UNC50: variants seen among roughly 807,000 people sequenced by gnomAD.
The protein encoded by UNC50 is unc-50 inner nuclear membrane RNA binding protein.
In UNC50, 24 loss-of-function variants were observed where a neutral mutation model predicts 31.5. The observed-to-expected ratio is 0.76, with a 90% CI of 0.55 to 1.07. The LOEUF is 1.07. Ranked by LOEUF, UNC50 falls within the 50% of genes least tolerant of loss-of-function variation. The pLI is 0.00. For missense variants in UNC50, 245 were observed against 304.2 expected (o/e 0.81, Z 1.45); for synonymous variants, 118 against 114.7 (o/e 1.03, Z -0.18).
chr2:98,615,715 T>C (rs1175423870), intron 3 of UNC50, among the ~76,000 whole-genome samples: 2 of 152,176 alleles, frequency 1.3e-5, no homozygotes, highest in African/African-American at 4.8e-5. Context: ...TTAAGTCAAA[T>C]ACTTTTCTCA....
intron 2 of UNC50, 93 bp downstream of exon 2, chr2:98,610,132 T>C (rs1465221519): frequency 1.5e-5 from 19 of 1,296,630 alleles, no homozygotes; most frequent in South Asian, 3.0e-5. Context: ...TCTGGAAATA[T>C]TGGAAACTAT....
intron 3 of UNC50, among the ~76,000 whole-genome samples, chr2:98,614,733 G>C (rs76429632): frequency 0.041 from 6,187 of 152,298 alleles, 186 homozygotes; most frequent in Middle Eastern, 0.085. Context: ...GCTACATACT[G>C]ATTCCATAAA....
chr2:98,614,053 A>G (rs1016389501), intron 3 of UNC50, among the ~76,000 whole-genome samples: 1 of 152,192 alleles, frequency 6.6e-6, no homozygotes, highest in African/African-American at 2.4e-5. Context: ...TTCAGGAAAA[A>G]AATTGGACTT....
chr2:98,616,499 C>G lies in UNC50; in HGVS notation c.609C>G (p.Gly203=). 1 of 1,613,894 alleles carries G rather than the reference C, an allele frequency of 6.2e-7. No homozygotes were observed. Residue 203 remains glycine (G), a synonymous_variant, in exon 5 of 6, where the codon GGC becomes GGG. Coordinates refer to ENST00000357765, the MANE Select transcript of UNC50 (RefSeq NM_014044.7). Reference sequence around the variant, plus strand: ...ATACCTTATGGTTGGTTGCAGTTGGCTATTATATCTATGTAACTTTCCTGG... The same window carrying G: ...ATACCTTATGGTTGGTTGCAGTTGGGTATTATATCTATGTAACTTTCCTGG... ...VGNTLWLVAV[G]YYIYVTFLGY...
intron 3 of UNC50, among the ~76,000 whole-genome samples, chr2:98,611,405 T>G (rs1413004138): frequency 6.6e-6 from 1 of 152,230 alleles, no homozygotes; most frequent in Non-Finnish European, 1.5e-5. Flanking sequence ...TGCCTTTCAC[T>G]GAATACACAA....
In UNC50 at chr2:98,612,246, C is replaced by T. The variant is rs185983446; in HGVS notation, c.401+1351C>T. ...TGCCAACTTAGTTATCTGTGAAACT[C>T]TTAGTCCCAGTCTCTTCTTTTACAA... On this transcript the variant is annotated intron_variant, in intron 3 of 5. Transcript: ENST00000357765. Among the ~76,000 whole-genome samples the T allele has an allele frequency of 4.9e-3, 744 of 152,282 alleles. 3 individuals are homozygous for T. The highest frequency in any genetic ancestry group is 8.1e-3 in the Non-Finnish European group (551 of 68,012).
rs1222017736 is a variant in UNC50, at chr2:98,618,264, C to T, written c.740C>T (p.Thr247Ile). ...GLSLALGWNF[T>I]HTLCSFYKYR... ...TCCCTGGCACTGGGATGGAACTTCA[C>T]CCATACTCTCTGTTCTTTCTATAAG... The change falls in exon 6 of 6, where the codon ACC becomes ATC. Residue 247 changes from threonine to isoleucine, a missense_variant. Transcript: ENST00000357765. 1.2e-6 allele frequency: 2 copies of T among 1,610,648 alleles called. No individual in the cohort carries two copies. Among genetic ancestry groups the T allele is most frequent in the Admixed American group, 1.7e-5 (1 of 59,148 alleles).
chr2:98,611,857 T>G, intron 3 of UNC50, among the ~76,000 whole-genome samples: 1 of 151,942 alleles, frequency 6.6e-6, no homozygotes, highest in Non-Finnish European at 1.5e-5. Context: ...ACTTTGAATC[T>G]TTGCATTAAA....
In UNC50 at chr2:98,609,817, A is replaced by G; in HGVS notation, c.58A>G (p.Arg20Gly). The G allele has an allele frequency of 3.1e-6, 5 of 1,614,236 alleles. No individual in the cohort carries two copies. Among genetic ancestry groups the G allele is most frequent in the Non-Finnish European group, 4.2e-6 (5 of 1,180,038 alleles). ...GCAGGGGAACGGAGTCTTGAATTCCAGGGATGCGGCAAGACACACAGCCGG... is the reference window on the plus strand; with the variant it reads ...GCAGGGGAACGGAGTCTTGAATTCCGGGGATGCGGCAAGACACACAGCCGG... Reference protein sequence around the residue: ...LVQGNGVLNSRDAARHTAGAK... With the variant: ...LVQGNGVLNSGDAARHTAGAK... Residue 20 changes from arginine (R) to glycine (G), a missense_variant, in exon 2 of 6, where the codon AGG (arginine) becomes GGG (glycine). Transcript: ENST00000357765.
At chr2:98,612,611 T>C (rs1700854169) in intron 3 of UNC50, among the ~76,000 whole-genome samples, 1 of 152,168 alleles carries the variant, frequency 6.6e-6, no homozygotes, top group South Asian at 2.1e-4. Flanking sequence ...GGTTTTGCCA[T>C]TTGGCCAGGC....
intron 3 of UNC50, among the ~76,000 whole-genome samples, chr2:98,611,511 A>G (rs1239815477): frequency 1.3e-5 from 2 of 152,216 alleles, no homozygotes; most frequent in Non-Finnish European, 2.9e-5. Context: ...CAGAGGAAGC[A>G]ATCAGATAAA....
intron 5 of UNC50, among the ~76,000 whole-genome samples, chr2:98,617,666 A>C (rs535299320): frequency 6.6e-6 from 1 of 152,294 alleles, no homozygotes; most frequent in East Asian, 1.9e-4. Flanking sequence ...TATATTTAAG[A>C]GTTTCAGTTC....
chr2:98,616,363 TAGA>T lies in UNC50; in HGVS notation c.541+18_541+20del. 6.2e-7 allele frequency: 1 copy of T among 1,613,948 alleles called. No individual in the cohort carries two copies. Among genetic ancestry groups the T allele is most frequent in the South Asian group, 1.1e-5 (1 of 91,028 alleles). On this transcript the variant is annotated intron_variant, in intron 4 of 5. Coordinates refer to ENST00000357765, the MANE Select transcript of UNC50 (RefSeq NM_014044.7). Reference sequence around the variant, plus strand: ...TCATCAACCGTAAGTAGCAGTTAATTAGAGTATTATCCAAGTCTTCATTGCATG... The same window carrying T: ...TCATCAACCGTAAGTAGCAGTTAATTGTATTATCCAAGTCTTCATTGCATG...
chr2:98,610,105 T>C, intron 2 of UNC50, 66 bp downstream of exon 2: 1 of 1,471,106 alleles, frequency 6.8e-7, no homozygotes, highest in African/African-American at 1.4e-5. Context: ...TTGTTATAAA[T>C]GTGTTGTGGG....
chr2:98,608,657 C>G lies in UNC50; in HGVS notation c.-74C>G, dbSNP rs1224466220. The stretch of plus-strand genomic sequence containing the variant: ...GGAAGGGAAGCCCGCCCGGTGGCGG[C>G]TGGGGTCGGCTGCTGGGAGGAGGTG... On this transcript the variant is annotated 5_prime_UTR_variant, in exon 1 of 6. Transcript: ENST00000357765. The G allele has an allele frequency of 1.8e-6, 1 of 546,278 alleles. No individual in the cohort carries two copies. The highest frequency in any genetic ancestry group is 1.9e-5 in the African/African-American group (1 of 51,326). 33.8% of individuals were successfully genotyped at this position (546,278 alleles called of 1,614,324 possible).
chr2:98,616,782 T>TAAC (rs1341084455), intron 5 of UNC50, among the ~76,000 whole-genome samples: 1 of 152,208 alleles, frequency 6.6e-6, no homozygotes, highest in Non-Finnish European at 1.5e-5. Context: ...AGCTGGTATA[T>TAAC]AACAGATTTT....
chr2:98,614,037 A>G (rs1700880715), intron 3 of UNC50, among the ~76,000 whole-genome samples: 1 of 152,250 alleles, frequency 6.6e-6, no homozygotes, highest in Non-Finnish European at 1.5e-5. Flanking sequence ...ATTGGCCTTC[A>G]TGCCATTCAG....
chr2:98,613,405 G>A (rs137864957), intron 3 of UNC50, among the ~76,000 whole-genome samples: 258 of 152,284 alleles, frequency 1.7e-3, no homozygotes, highest in African/African-American at 5.9e-3. Context: ...ATTTATAAAG[G>A]AAAAAGGTTT....
At chr2:98,616,639 CTAAG>C (rs1575232101) in intron 5 of UNC50, 106 bp downstream of exon 5, 24 of 813,590 alleles carry the variant, frequency 2.9e-5, no homozygotes, top group East Asian at 1.0e-4. Context: ...AGGCACTATC[CTAAG>C]TATTTTATGT....
Sources: gnomAD v4.1 joint callset for allele counts (sites outside exome capture counted in the v4.1 genomes callset) on GRCh38, gnomAD v4.1.1 for gene constraint, MANE v1.5 for transcripts, NCBI Gene and HGNC (gene_info 2026-07-23, HGNC 2026-07-21) for gene names.